TTLL3: variants seen among roughly 807,000 people sequenced by gnomAD.
The protein encoded by TTLL3 is tubulin tyrosine ligase like 3, also known as tubulin monoglycylase TTLL3.
TTLL3 carries 63 observed loss-of-function variants against 75.2 expected under a neutral mutation model. The ratio of observed to expected loss-of-function variants is 0.84; its 90% CI spans 0.68 to 1.03. TTLL3 has a LOEUF of 1.03. Among genes scored for constraint, TTLL3 ranks in the 50% least tolerant of loss-of-function variants. The pLI, the probability that TTLL3 is intolerant of heterozygous loss-of-function variation, is 0.00. For missense variants in TTLL3, 997 were observed against 1,069.9 expected, an observed-to-expected ratio of 0.93 and a Z score of 0.95; for synonymous variants, 393 against 418.5, an observed-to-expected ratio of 0.94 and a Z score of 0.74.
intron 2 of TTLL3, among the ~76,000 whole-genome samples, chr3:9,811,880 T>G (rs2079386457): frequency 6.6e-6 from 1 of 152,234 alleles, no homozygotes; most frequent in Admixed American, 6.5e-5. Flanking sequence ...ATTCATGGCT[T>G]CCTTTCAACC....
rs763110662 is a variant in TTLL3, at chr3:9,813,385, G to T, written c.315+40G>T. The T allele has an allele frequency of 3.1e-6, 5 of 1,609,810 alleles. No homozygotes were observed. In the Admixed American group the frequency reaches 8.4e-5, roughly 27 times the overall value. ...GGCCAAGATGATACAGGGACTGCCT[G>T]CTTAGAGGGAGGGCATTGGTGTCCA... On this transcript the variant is annotated intron_variant, in intron 4 of 13. Transcript: ENST00000685419.
intron 11 of TTLL3, among the ~76,000 whole-genome samples, chr3:9,831,442 T>C (rs2081521493): frequency 6.6e-6 from 1 of 152,210 alleles, no homozygotes. Flanking sequence ...TCATGTGGCA[T>C]CACAAGGCAC....
chr3:9,819,423 T>G (rs1205805514), intron 7 of TTLL3: 1 of 835,192 alleles, frequency 1.2e-6, no homozygotes, highest in East Asian at 1.2e-4. Flanking sequence ...CATTCAGCCC[T>G]CCCATGGGCC....
Position 9,816,123 on chromosome 3 carries a change from G to T in TTLL3, c.365G>T (p.Arg122Leu), listed in dbSNP as rs754441701. 3.0e-6 allele frequency: 4 copies of T among 1,350,446 alleles called. No homozygotes were observed. The South Asian group carries it at 3.5e-5, about 12-fold the overall frequency. 83.7% of individuals were successfully genotyped at this position (1,350,446 alleles called of 1,614,324 possible). ...CCCTACTTCATCTGGACCACTCGGC[G>T]GGATGTGCTCGACTGTCGCTTCCTC... ...EIPYFIWTTR[R>L]DVLDCRFLSK... Residue 122 changes from arginine to leucine, a missense_variant, in exon 5 of 14, where the codon CGG (arginine) becomes CTG (leucine). Coordinates refer to ENST00000685419, the MANE Select transcript of TTLL3 (RefSeq NM_001387446.1).
chr3:9,832,064 G>A (rs1331414578), intron 11 of TTLL3, among the ~76,000 whole-genome samples: 3 of 143,010 alleles, frequency 2.1e-5, no homozygotes, highest in South Asian at 2.2e-4. Context: ...GAGCCACCGC[G>A]CCCGGCAATA....
chr3:9,833,074 G>C, intron 11 of TTLL3, 30 bp from the exon 12 acceptor site: 2 of 1,613,076 alleles, frequency 1.2e-6, no homozygotes, highest in Non-Finnish European at 1.7e-6. Flanking sequence ...CACTGACTGA[G>C]TGGGCCTTGT....
In TTLL3 at chr3:9,835,573, C is replaced by T. The variant is rs1476548641; in HGVS notation, c.*84C>T. 3.0e-6 allele frequency: 4 copies of T among 1,341,678 alleles called. No individual in the cohort carries two copies. The highest frequency in any genetic ancestry group is 4.0e-6 in the Non-Finnish European group (4 of 990,504). The allele number at this position is 1,341,678 out of a possible 1,614,324, so 83.1% of individuals were successfully genotyped here. A position where few individuals can be genotyped will look rare whatever the true frequency, so the allele number is the denominator to read the frequency against. On this transcript the variant is annotated 3_prime_UTR_variant, in exon 14 of 14. Coordinates refer to ENST00000685419, the MANE Select transcript of TTLL3 (RefSeq NM_001387446.1). Reference sequence around the variant, plus strand: ...GGGGCTTCCTATTTAGGGACTCCCCCAGCATCTCCGATCCAGGGGTGGGGA... The same window carrying T: ...GGGGCTTCCTATTTAGGGACTCCCCTAGCATCTCCGATCCAGGGGTGGGGA...
intron 2 of TTLL3, among the ~76,000 whole-genome samples, chr3:9,812,321 C>T (rs1301273189): frequency 2.6e-5 from 4 of 152,138 alleles, no homozygotes; most frequent in Admixed American, 6.5e-5. Flanking sequence ...TCAAGACCAG[C>T]GTGGCCAATA....
chr3:9,832,701 T>C (rs17050595), intron 11 of TTLL3, among the ~76,000 whole-genome samples: 1,631 of 152,322 alleles, frequency 0.011, 26 homozygotes, highest in African/African-American at 0.031. Context: ...CACGAGGCTC[T>C]AGGCAGGCTC....
Position 9,834,798 on chromosome 3 carries a change from T to A in TTLL3, c.1943T>A (p.Leu648Gln). The A allele has an allele frequency of 6.2e-7, 1 of 1,614,198 alleles. No individual in the cohort carries two copies. Among genetic ancestry groups the A allele is most frequent in the Non-Finnish European group, 8.5e-7 (1 of 1,179,994 alleles). Residue 648 changes from leucine to glutamine, a missense_variant, in exon 13 of 14, where the codon CTG (leucine) becomes CAG (glutamine). Coordinates refer to ENST00000685419, the MANE Select transcript of TTLL3 (RefSeq NM_001387446.1). The part of the protein sequence containing the change: ...QHSKLVGTKA[L>Q]STTGKALRTL... ...AGCAAGCTGGTGGGCACTAAGGCCC[T>A]GTCGACCACAGGCAAGGCCTTGAGG... is the stretch of plus-strand genomic sequence containing the variant.
In TTLL3 at chr3:9,810,937, G is replaced by T. The variant is rs1455952282; in HGVS notation, c.48+228G>T. Among the ~76,000 whole-genome samples the T allele has an allele frequency of 6.6e-6, 1 of 152,096 alleles. No individual in the cohort carries two copies. The highest frequency in any genetic ancestry group is 1.5e-5 in the Non-Finnish European group (1 of 68,020). ...TGCGATGTCCCACTCTAATCAAGGT[G>T]CCTGGTGAGTTCCAGGGAGCCAAAC... On this transcript the variant is annotated intron_variant, in intron 2 of 13. Transcript: ENST00000685419. The surrounding 1 kb of genome is among the most constrained non-coding windows in gnomAD (Gnocchi z 4.4).
chr3:9,810,229 G>T, upstream of TTLL3: 2 of 1,507,958 alleles, frequency 1.3e-6, no homozygotes, highest in Non-Finnish European at 1.8e-6. This position sits in a 1 kb window ranked among gnomAD's most constrained non-coding sequence, Gnocchi z 4.4. Context: ...CCAGTCCGAG[G>T]AGGGTCACGC....
intron 10 of TTLL3, chr3:9,828,330 G>C (rs1387721700): frequency 6.6e-6 from 1 of 152,142 alleles, no homozygotes; most frequent in Non-Finnish European, 1.5e-5. Flanking sequence ...TTTGAATCTG[G>C]TCATGTGAAA....
In TTLL3 at chr3:9,810,441, G is replaced by T. The variant is rs1488043732; in HGVS notation, c.-42+47G>T. 7.0e-7 allele frequency: 1 copy of T among 1,425,976 alleles called. No homozygotes were observed. The highest frequency in any genetic ancestry group is 1.5e-5 in the South Asian group (1 of 66,834). 88.3% of individuals were successfully genotyped at this position (1,425,976 alleles called of 1,614,324 possible). A position where few individuals can be genotyped will look rare whatever the true frequency, so the allele number is the denominator to read the frequency against. On this transcript the variant is annotated intron_variant, in intron 1 of 13. Coordinates refer to ENST00000685419, the MANE Select transcript of TTLL3 (RefSeq NM_001387446.1). The surrounding 1 kb of genome is among the most constrained non-coding windows in gnomAD (Gnocchi z 4.4). ...CGCTCTGGCCTACAGCGGCTGCGAG[G>T]ACGACAAGACGCTGGGGTGGAGGGA...
intron 8 of TTLL3, among the ~76,000 whole-genome samples, chr3:9,824,294 C>G (rs904479872): frequency 6.6e-6 from 1 of 152,162 alleles, no homozygotes; most frequent in African/African-American, 2.4e-5. Flanking sequence ...CAGGAATGAA[C>G]CCCAAAAAGC....
At chr3:9,831,891 C>T (rs1223635085) in intron 11 of TTLL3, among the ~76,000 whole-genome samples, 4 of 149,628 alleles carry the variant, frequency 2.7e-5, no homozygotes, top group South Asian at 2.1e-4. Flanking sequence ...CTCCGCCTCC[C>T]GGATTCAAGT....
rs771679434 is a variant in TTLL3, at chr3:9,813,152, T to G, written c.217+41T>G. 1.0e-5 allele frequency: 16 copies of G among 1,601,144 alleles called. No homozygotes were observed. In the South Asian group the frequency reaches 1.7e-4, roughly 17 times the overall value. On this transcript the variant is annotated intron_variant, in intron 3 of 13. Transcript: ENST00000685419. Reference sequence around the variant, plus strand: ...CCTTTCCACAGCTGTTGCTCCTGAGTCCTTTTCCTTTGGTTCCCACTGTCC... The same window carrying G: ...CCTTTCCACAGCTGTTGCTCCTGAGGCCTTTTCCTTTGGTTCCCACTGTCC...
intron 5 of TTLL3, among the ~76,000 whole-genome samples, chr3:9,816,662 C>A (rs570115449): frequency 1.5e-4 from 23 of 152,032 alleles, no homozygotes; most frequent in African/African-American, 5.3e-4. Flanking sequence ...ACTACAGGTG[C>A]GTGTCACCAC....
chr3:9,824,633 T>C (rs565862714), intron 8 of TTLL3, among the ~76,000 whole-genome samples: 1 of 152,094 alleles, frequency 6.6e-6, no homozygotes, highest in South Asian at 2.1e-4. Flanking sequence ...ATGGTCTCAA[T>C]CTCTTAACCT....
Sources: gnomAD v4.1 joint callset for allele counts (sites outside exome capture counted in the v4.1 genomes callset) on GRCh38, gnomAD v4.1.1 for gene constraint, Gnocchi (gnomAD v3.1) non-coding constraint, MANE v1.5 for transcripts, NCBI Gene and HGNC (gene_info 2026-07-23, HGNC 2026-07-21) for gene names.